Variants in FREM1 observed in about 807,000 individuals in gnomAD.
The protein encoded by FREM1 is FRAS1 related extracellular matrix 1.
FREM1 carries 220 observed loss-of-function variants against 210.1 expected under a neutral mutation model. That is an observed-to-expected ratio of 1.05 (90% CI 0.94 to 1.17). The LOEUF (loss-of-function observed/expected upper bound fraction) is 1.17. FREM1 is among the 50% of genes most tolerant of loss of function. The probability of loss-of-function intolerance (pLI) is 0.00; values close to 1 mark genes in which losing one functional copy is unlikely to be tolerated. For synonymous variants in FREM1, 1,189 were observed against 980.2 expected (o/e 1.21, Z -3.98); for missense variants, 3,454 against 2,675.5 (o/e 1.29, Z -6.42).
intron 10 of FREM1, among the ~76,000 whole-genome samples, chr9:14,832,860 A>C (rs1360706706): frequency 1.3e-5 from 2 of 152,254 alleles, no homozygotes; most frequent in East Asian, 3.9e-4. Context: ...GCTGTAAACA[A>C]TCTTGTATGC....
chr9:14,866,987 G>A (rs947353978), intron 2 of FREM1, among the ~76,000 whole-genome samples: 1 of 149,816 alleles, frequency 6.7e-6, no homozygotes, highest in Non-Finnish European at 1.5e-5. Context: ...AGCCTCCCGA[G>A]TAGCTAGGCT....
chr9:14,870,400 T>C (rs1490628934), intron 1 of FREM1, among the ~76,000 whole-genome samples: 1 of 152,202 alleles, frequency 6.6e-6, no homozygotes, highest in African/African-American at 2.4e-5. Context: ...TCCAACTGAC[T>C]CTATTGTCCA....
chr9:14,743,210 T>C (rs1257643897), intron 35 of FREM1, among the ~76,000 whole-genome samples: 2 of 152,150 alleles, frequency 1.3e-5, no homozygotes, highest in Non-Finnish European at 2.9e-5. Context: ...AAAGTATCTA[T>C]GCTTTTAAAT....
intron 29 of FREM1, among the ~76,000 whole-genome samples, chr9:14,753,238 TAGGTG>T (rs1386159974): frequency 2.6e-5 from 4 of 152,110 alleles, no homozygotes; most frequent in Admixed American, 2.6e-4. Context: ...CTTTACAGAG[TAGGTG>T]AGTTCCTGGA....
chr9:14,862,283 T>C lies in FREM1; in HGVS notation c.329+1526A>G, dbSNP rs79102636. 5.5e-3 allele frequency among the ~76,000 whole-genome samples: 843 copies of C among 152,340 alleles called. 9 individuals carry two copies. The highest frequency in any genetic ancestry group is 4.8e-3 in the Non-Finnish European group (325 of 68,030). On this transcript the variant is annotated intron_variant, in intron 3 of 36. Coordinates refer to ENST00000380880, the MANE Select transcript of FREM1 (RefSeq NM_001379081.2). Reference sequence around the variant, plus strand: ...TGTAATAGGTGGTCATAAATGTTTGTAGAATGGTTCACTGTTCCAATGTCT... The same window carrying C: ...TGTAATAGGTGGTCATAAATGTTTGCAGAATGGTTCACTGTTCCAATGTCT...
chr9:14,795,064 T>A lies in FREM1; in HGVS notation c.3840-2180A>T, dbSNP rs183090974. ...ATAATAAAGTGGAGATTGGAGAAAG[T>A]GGGCAGAAATGGAACTCTTCCAAAA... is the stretch of plus-strand genomic sequence containing the variant. On this transcript the variant is annotated intron_variant, in intron 21 of 36. Transcript: ENST00000380880. 4.0e-5 allele frequency among the ~76,000 whole-genome samples: 6 copies of A among 149,962 alleles called. No individual in the cohort carries two copies. The East Asian group carries it at 1.2e-3, about 29-fold the overall frequency.
rs775059334 is a variant in FREM1, at chr9:14,737,587, C to A, written c.6349G>T (p.Asp2117Tyr). The A allele has an allele frequency of 4.5e-6, 7 of 1,559,744 alleles. No homozygotes were observed. The Admixed American group carries it at 1.0e-4, about 22-fold the overall frequency. Residue 2117 changes from aspartate (D) to tyrosine (Y), a missense_variant, in exon 37 of 37, where the codon GAC (aspartate) becomes TAC (tyrosine). Transcript: ENST00000380880. ...GRKSFWIGLNDQVHAGHWEWI... is the reference protein window; with the variant it reads ...GRKSFWIGLNYQVHAGHWEWI... ...TCCCAGTGGCCAGCATGCACTTGGT[C>A]GTTCAAACCTAATGTGAACCAAAAG...
chr9:14,774,173 C>T (rs913823820), intron 25 of FREM1: 2 of 516,638 alleles, frequency 3.9e-6, no homozygotes, highest in African/African-American at 3.9e-5. Flanking sequence ...ACTCTATGAT[C>T]TCAAGACTTC....
At chr9:14,900,801 T>G (rs1386819437) in intron 1 of FREM1, among the ~76,000 whole-genome samples, 2 of 152,182 alleles carry the variant, frequency 1.3e-5, no homozygotes, top group Non-Finnish European at 2.9e-5. Flanking sequence ...GCTTTGTAAG[T>G]TGCTTTGGCG....
At chr9:14,753,951 A>G (rs988425513) in intron 29 of FREM1, among the ~76,000 whole-genome samples, 2 of 152,214 alleles carry the variant, frequency 1.3e-5, no homozygotes, top group African/African-American at 4.8e-5. Flanking sequence ...AGCCCCCAGA[A>G]GTCATTAGTA....
At chr9:14,749,885 G>A (rs755418011) in intron 30 of FREM1, among the ~76,000 whole-genome samples, 12 of 152,056 alleles carry the variant, frequency 7.9e-5, no homozygotes, top group Non-Finnish European at 1.5e-4. Flanking sequence ...AACAACAAAC[G>A]GGTAGGAAAA....
rs1056721854 is a variant in FREM1 at position 14,823,981 on chromosome 9, C to T, written c.2169+44G>A. ...CTAGGCATGCCATACCTTCTAAGGG[C>T]ACACTTGCATCATGTTTGTCAGCAT... On this transcript the variant is annotated intron_variant, in intron 12 of 36. Transcript: ENST00000380880. The T allele has an allele frequency of 7.2e-6, 9 of 1,241,854 alleles. No homozygotes were observed. The Admixed American group carries it at 1.6e-4, about 23-fold the overall frequency. The allele number at this position is 1,241,854 out of a possible 1,614,324, so 76.9% of individuals were successfully genotyped here.
intron 35 of FREM1, 129 bp from the exon 36 acceptor site, chr9:14,740,363 G>T: frequency 3.1e-6 from 2 of 650,342 alleles, no homozygotes; most frequent in Non-Finnish European, 5.4e-6. Context: ...AACTTTCTAA[G>T]ATTTTAATAG....
intron 5 of FREM1, among the ~76,000 whole-genome samples, chr9:14,854,973 C>T (rs561895184): frequency 4.1e-4 from 63 of 152,116 alleles, no homozygotes; most frequent in African/African-American, 1.5e-3. Context: ...TGTAAATGTT[C>T]CATTATTCTA....
At chr9:14,772,966 C>G (rs190176347) in intron 25 of FREM1, among the ~76,000 whole-genome samples, 1 of 152,286 alleles carries the variant, frequency 6.6e-6, no homozygotes, top group Admixed American at 6.5e-5. Context: ...GACATCTAAA[C>G]TCTAGCAACA....
chr9:14,830,427 G>A (rs1426923157), intron 10 of FREM1, among the ~76,000 whole-genome samples: 2 of 152,148 alleles, frequency 1.3e-5, no homozygotes, highest in Non-Finnish European at 2.9e-5. Flanking sequence ...GGGATTGGGT[G>A]TTTAATAATG....
At chr9:14,865,448 G>T (rs1294501908) in intron 2 of FREM1, among the ~76,000 whole-genome samples, 1 of 152,108 alleles carries the variant, frequency 6.6e-6, no homozygotes, top group Non-Finnish European at 1.5e-5. Context: ...ATATTCAACA[G>T]GAAAATGAAC....
chr9:14,878,854 A>G (rs931793937), intron 1 of FREM1, among the ~76,000 whole-genome samples: 12 of 152,120 alleles, frequency 7.9e-5, no homozygotes, highest in African/African-American at 2.9e-4. Context: ...ATATCTAAAA[A>G]GAAAAAACAA....
At chr9:14,883,780 T>C (rs149867544) in intron 1 of FREM1, among the ~76,000 whole-genome samples, 433 of 152,324 alleles carry the variant, frequency 2.8e-3, no homozygotes, top group Non-Finnish European at 4.4e-3. Flanking sequence ...AGTCCCAGCA[T>C]AGGGCTAAGT....
Sources: allele counts gnomAD v4.1 joint callset (sites outside exome capture counted in the v4.1 genomes callset), GRCh38; gene constraint gnomAD v4.1.1; transcripts MANE v1.5; gene names NCBI Gene and HGNC (gene_info 2026-07-23, HGNC 2026-07-21).